Variants in PINX1 observed in about 807,000 individuals in gnomAD.
The protein encoded by PINX1 is PIN2/TERF1-interacting telomerase inhibitor 1.
A neutral mutation model predicts 25.4 loss-of-function variants in PINX1; 34 were observed. The ratio of observed to expected loss-of-function variants is 1.34; its 90% CI spans 1.02 to 1.78. PINX1 has a LOEUF of 1.78. PINX1 is among the 40% of genes most tolerant of loss of function. The pLI is 0.00. For missense variants in PINX1, 592 were observed against 404.9 expected, an observed-to-expected ratio of 1.46 and a Z score of -3.97; for synonymous variants, 197 against 147.7, an observed-to-expected ratio of 1.33 and a Z score of -2.42.
chr8:10,811,349 G>T (rs562569821), intron 6 of PINX1, among the ~76,000 whole-genome samples: 4 of 152,156 alleles, frequency 2.6e-5, no homozygotes, highest in Non-Finnish European at 4.4e-5. Flanking sequence ...ACATTCATTA[G>T]ATGACCTGAT....
At chr8:10,782,496 G>A (rs983811679) in intron 6 of PINX1, among the ~76,000 whole-genome samples, 1 of 152,128 alleles carries the variant, frequency 6.6e-6, no homozygotes, top group Admixed American at 6.5e-5. Context: ...AGCACTTTGG[G>A]AGGCCAAGGC....
chr8:10,825,646 T>C (rs1176357264), intron 5 of PINX1, among the ~76,000 whole-genome samples: 1 of 152,164 alleles, frequency 6.6e-6, no homozygotes, highest in African/African-American at 2.4e-5. Context: ...GCAATGACTA[T>C]GGAATGCCTA....
intron 5 of PINX1, among the ~76,000 whole-genome samples, chr8:10,820,669 C>T (rs1051797698): frequency 6.6e-5 from 10 of 152,158 alleles, no homozygotes; most frequent in Non-Finnish European, 8.8e-5. Flanking sequence ...TAGAAGATTA[C>T]GAAATACACA....
In PINX1 at chr8:10,786,347, C is replaced by T. The variant is rs151004447; in HGVS notation, c.472-20431G>A. 4.2e-3 allele frequency among the ~76,000 whole-genome samples: 645 copies of T among 152,248 alleles called. 3 individuals carry two copies. The highest frequency in any genetic ancestry group is 6.9e-3 in the Non-Finnish European group (469 of 68,018). ...TCTCTTGCATGGTTGGCTCTTTCTA[C>T]AACACCAAGTAGCGTGGCTGTCTTG... On this transcript the variant is annotated intron_variant, in intron 6 of 6. Coordinates refer to ENST00000314787, the MANE Select transcript of PINX1 (RefSeq NM_017884.6).
intron 6 of PINX1, among the ~76,000 whole-genome samples, chr8:10,797,053 C>T (rs971602878): frequency 6.6e-6 from 1 of 152,030 alleles, no homozygotes; most frequent in Non-Finnish European, 1.5e-5. Flanking sequence ...AGCTGATCCA[C>T]TCTCTGTCTC....
rs1798344851 is a variant in PINX1 at position 10,834,717 on chromosome 8, A to G, written c.78T>C (p.Asp26=). 1.2e-6 allele frequency: 2 copies of G among 1,613,922 alleles called. No homozygotes were observed. Among genetic ancestry groups the G allele is most frequent in the Non-Finnish European group, 8.5e-7 (1 of 1,179,858 alleles). Residue 26 remains aspartate, a synonymous_variant, in exon 2 of 7, where the codon GAT becomes GAC. Transcript: ENST00000314787. ...CTAGCATCCGCTGGCCAAACTTGGAATCGTCATTACTCCAGGCAGTGTTCT... is the reference window on the plus strand; with the variant it reads ...CTAGCATCCGCTGGCCAAACTTGGAGTCGTCATTACTCCAGGCAGTGTTCT... ...DPQNTAWSND[D]SKFGQRMLEK... is the part of the protein sequence containing the mutation.
chr8:10,817,984 C>G (rs1385886357), intron 6 of PINX1, among the ~76,000 whole-genome samples: 1 of 152,140 alleles, frequency 6.6e-6, no homozygotes, highest in African/African-American at 2.4e-5. Context: ...TACCTGGACC[C>G]TGACCGAAGA....
chr8:10,795,032 A>G (rs932328408), intron 6 of PINX1, among the ~76,000 whole-genome samples: 1 of 152,216 alleles, frequency 6.6e-6, no homozygotes, highest in African/African-American at 2.4e-5. Context: ...TAAAAAGGAC[A>G]AATATTATAC....
chr8:10,824,775 G>A (rs1276229596), intron 5 of PINX1, among the ~76,000 whole-genome samples: 1 of 152,196 alleles, frequency 6.6e-6, no homozygotes, highest in African/African-American at 2.4e-5. Flanking sequence ...GAAAGTTACA[G>A]GTCACTGAGT....
intron 6 of PINX1, among the ~76,000 whole-genome samples, chr8:10,783,102 G>A (rs1449962349): frequency 6.6e-5 from 10 of 152,124 alleles, no homozygotes; most frequent in South Asian, 6.2e-4. Flanking sequence ...CAATTGTTAC[G>A]TGTGACCCTT....
chr8:10,802,654 C>T (rs996290521), intron 6 of PINX1, among the ~76,000 whole-genome samples: 1 of 152,170 alleles, frequency 6.6e-6, no homozygotes, highest in Non-Finnish European at 1.5e-5. Context: ...AGGGCAGGGG[C>T]CCGGTGGAAC....
intron 6 of PINX1, among the ~76,000 whole-genome samples, chr8:10,786,526 G>A (rs1334681694): frequency 6.6e-6 from 1 of 152,142 alleles, no homozygotes; most frequent in Admixed American, 6.5e-5. Context: ...AGCATAGGCA[G>A]GACCCCTCCA....
intron 4 of PINX1, among the ~76,000 whole-genome samples, chr8:10,831,457 A>G (rs1798223877): frequency 6.6e-6 from 1 of 152,226 alleles, no homozygotes; most frequent in Non-Finnish European, 1.5e-5. Context: ...TCCCAACACA[A>G]ATAATAAATG....
intron 1 of PINX1, among the ~76,000 whole-genome samples, chr8:10,836,703 G>A (rs886667439): frequency 5.9e-5 from 9 of 151,990 alleles, no homozygotes; most frequent in Non-Finnish European, 1.5e-5. Context: ...GCGGGGGGTG[G>A]CAGTTTCCCA....
intron 1 of PINX1, among the ~76,000 whole-genome samples, chr8:10,837,749 T>C (rs1295632268): frequency 6.6e-6 from 1 of 152,178 alleles, no homozygotes; most frequent in African/African-American, 2.4e-5. Context: ...TATGCTAGGA[T>C]CCCATTTACT....
chr8:10,831,370 T>C (rs1280204543), intron 4 of PINX1, among the ~76,000 whole-genome samples: 1 of 152,218 alleles, frequency 6.6e-6, no homozygotes, highest in East Asian at 1.9e-4. Flanking sequence ...TAGTGTTCTA[T>C]AGCACTGTAG....
intron 6 of PINX1, among the ~76,000 whole-genome samples, chr8:10,814,395 A>T (rs141180252): frequency 6.6e-6 from 1 of 152,314 alleles, no homozygotes; most frequent in East Asian, 1.9e-4. Context: ...AGGAAATACG[A>T]AGCACCAATG....
chr8:10,819,023 G>A (rs953311950), intron 6 of PINX1, among the ~76,000 whole-genome samples: 30 of 152,186 alleles, frequency 2.0e-4, no homozygotes, highest in African/African-American at 6.5e-4. Flanking sequence ...AGGAGCAGCC[G>A]GCACGGCCGG....
chr8:10,828,870 G>C (rs1036828514), intron 4 of PINX1, among the ~76,000 whole-genome samples: 3 of 152,194 alleles, frequency 2.0e-5, no homozygotes, highest in Admixed American at 6.5e-5. Context: ...AATCAAAGCA[G>C]CTGGCCCGGC....
Sources: allele counts gnomAD v4.1 joint callset (sites outside exome capture counted in the v4.1 genomes callset), GRCh38; gene constraint gnomAD v4.1.1; transcripts MANE v1.5; gene names NCBI Gene and HGNC (gene_info 2026-07-23, HGNC 2026-07-21).